The following ESR1 variants were observed in gnomAD, a reference collection of about 807,000 sequenced individuals.
ESR1 encodes the protein estrogen receptor.
Under a neutral mutation model 52.7 loss-of-function variants are expected in ESR1, and 12 were observed. That is an observed-to-expected ratio of 0.23 (90% confidence interval 0.15 to 0.37). The LOEUF (loss-of-function observed/expected upper bound fraction) is 0.37. Ranked by LOEUF, ESR1 falls within the 10% of genes least tolerant of loss-of-function variation. The probability of loss-of-function intolerance (pLI) is 1.00; values close to 1 mark genes in which losing one functional copy is unlikely to be tolerated. For synonymous variants in ESR1, 305 were observed against 316.8 expected (o/e 0.96, Z 0.39); for missense variants, 584 against 779.7 (o/e 0.75, Z 2.99).
chr6:151,839,424 A>G (rs929048393), intron 1 of ESR1, among the ~76,000 whole-genome samples: 5 of 152,222 alleles, frequency 3.3e-5, no homozygotes, highest in African/African-American at 1.2e-4. Context: ...CACTGTGGAA[A>G]ACACTGGTGA....
chr6:151,659,171 G>C (rs1450298205), intron 1 of ESR1, among the ~76,000 whole-genome samples: 1 of 152,104 alleles, frequency 6.6e-6, no homozygotes, highest in Non-Finnish European at 1.5e-5. Context: ...GTGCCACCAT[G>C]CCCAGCTAAT....
chr6:151,784,839 T>A (rs973934911), intron 2 of ESR1, among the ~76,000 whole-genome samples: 8 of 152,250 alleles, frequency 5.3e-5, no homozygotes, highest in Non-Finnish European at 1.2e-4. Flanking sequence ...TAATATTTAT[T>A]GGTTGGCTGG....
At chr6:151,669,808 C>T (rs1299921763) in intron 1 of ESR1, among the ~76,000 whole-genome samples, 7 of 151,996 alleles carry the variant, frequency 4.6e-5, no homozygotes, top group South Asian at 2.1e-4. Flanking sequence ...ATAAATGAGA[C>T]GTGGAGTGAG....
intron 4 of ESR1, among the ~76,000 whole-genome samples, chr6:151,991,280 A>T (rs13192976): frequency 0.16 from 24,381 of 152,110 alleles, 2,369 homozygotes; most frequent in East Asian, 0.33. Flanking sequence ...TTTACCATAC[A>T]TGAATTACTT....
chr6:151,732,243 T>C (rs551738130), intron 2 of ESR1, among the ~76,000 whole-genome samples: 2 of 152,284 alleles, frequency 1.3e-5, no homozygotes, highest in South Asian at 4.2e-4. Context: ...GGCATGAGTC[T>C]CATCAGGCGG....
In ESR1 at chr6:151,960,772, G is replaced by A. The variant is rs185877012; in HGVS notation, c.1096+16264G>A. 2.6e-3 allele frequency among the ~76,000 whole-genome samples: 398 copies of A among 152,292 alleles called. 3 individuals are homozygous for A. Among genetic ancestry groups the A allele is most frequent in the African/African-American group, 9.1e-3 (380 of 41,568 alleles). ...AAAGGGGGCCAAAGATTGAGGCAGGGAGAGCAGCTAGGACAGGCTCTAGCA... is the reference window on the plus strand; with the variant it reads ...AAAGGGGGCCAAAGATTGAGGCAGGAAGAGCAGCTAGGACAGGCTCTAGCA... On this transcript the variant is annotated intron_variant, in intron 4 of 7. Coordinates refer to ENST00000206249, the MANE Select transcript of ESR1 (RefSeq NM_000125.4).
intron 5 of ESR1, among the ~76,000 whole-genome samples, chr6:152,046,480 A>G (rs1351794419): frequency 6.6e-6 from 1 of 152,224 alleles, no homozygotes; most frequent in African/African-American, 2.4e-5. Flanking sequence ...CAAGAAACAA[A>G]CTAGTATTTA....
intron 5 of ESR1, among the ~76,000 whole-genome samples, chr6:152,052,297 A>T (rs1048953490): frequency 1.3e-5 from 2 of 152,184 alleles, no homozygotes; most frequent in African/African-American, 4.8e-5. Context: ...CAACACTGGG[A>T]TCAAATTTCA....
At chr6:151,886,783 G>A (rs988767494) in intron 3 of ESR1, among the ~76,000 whole-genome samples, 1 of 152,088 alleles carries the variant, frequency 6.6e-6, no homozygotes, top group Non-Finnish European at 1.5e-5. Context: ...GCTCACACCT[G>A]TAATCCCAGC....
chr6:151,707,942 G>A (rs1780307099), intron 2 of ESR1, among the ~76,000 whole-genome samples: 1 of 151,888 alleles, frequency 6.6e-6, no homozygotes, highest in South Asian at 2.1e-4. Context: ...TCTTGTTACA[G>A]TGCCATGCAT....
At chr6:151,807,447 C>T, upstream of ESR1, 1 of 239,480 alleles carries the variant, frequency 4.2e-6, no homozygotes, top group Non-Finnish European at 8.4e-6. Context: ...TTAGCAGATC[C>T]TCGTGCGCCC....
intron 1 of ESR1, among the ~76,000 whole-genome samples, chr6:151,667,345 G>A (rs1562318420): frequency 6.6e-6 from 1 of 152,134 alleles, no homozygotes; most frequent in Non-Finnish European, 1.5e-5. Context: ...CATCACAGTA[G>A]CCCTCGAACC....
chr6:151,831,930 A>G (rs1165319680), intron 1 of ESR1, among the ~76,000 whole-genome samples: 1 of 152,148 alleles, frequency 6.6e-6, no homozygotes, highest in Admixed American at 6.5e-5. Flanking sequence ...TAGCAGCCAT[A>G]ACGTTCTCCC....
intron 2 of ESR1, among the ~76,000 whole-genome samples, chr6:151,875,666 G>A (rs1176383756): frequency 1.3e-5 from 2 of 152,116 alleles, no homozygotes; most frequent in African/African-American, 4.8e-5. Flanking sequence ...ATCTTGACTG[G>A]CACACTTAGA....
intron 5 of ESR1, among the ~76,000 whole-genome samples, chr6:152,055,943 A>G (rs1480826332): frequency 6.6e-6 from 1 of 152,194 alleles, no homozygotes; most frequent in Non-Finnish European, 1.5e-5. Flanking sequence ...TCAAATCCCA[A>G]TGTTAATTGC....
downstream of ESR1, among the ~76,000 whole-genome samples, chr6:152,107,357 GT>G (rs1249458268): frequency 6.6e-6 from 1 of 151,928 alleles, no homozygotes; most frequent in African/African-American, 2.4e-5. Context: ...GGACTGTTTT[GT>G]TTTTCTTCTG....
chr6:151,953,252 T>G (rs1483922883), intron 4 of ESR1, among the ~76,000 whole-genome samples: 1 of 152,070 alleles, frequency 6.6e-6, no homozygotes, highest in Non-Finnish European at 1.5e-5. Context: ...AACCTCTCTG[T>G]GCCCTAAGTA....
intron 2 of ESR1, among the ~76,000 whole-genome samples, chr6:151,874,860 C>T (rs1400357157): frequency 6.6e-6 from 1 of 152,068 alleles, no homozygotes; most frequent in Non-Finnish European, 1.5e-5. Context: ...AACTGCTAAT[C>T]TTGTAGAGTT....
At chr6:152,109,788 C>G (rs997222505) in intron 6 of ESR1, among the ~76,000 whole-genome samples, 2 of 152,214 alleles carry the variant, frequency 1.3e-5, no homozygotes, top group Non-Finnish European at 2.9e-5. Context: ...GACAGAGATA[C>G]ACTTTCTAAC....
Sources: gnomAD v4.1 joint callset for allele counts (sites outside exome capture counted in the v4.1 genomes callset) on GRCh38, gnomAD v4.1.1 for gene constraint, MANE v1.5 for transcripts, NCBI Gene and HGNC (gene_info 2026-07-23, HGNC 2026-07-21) for gene names.